Variants in PLPPR5 observed in about 807,000 individuals in gnomAD.
The protein encoded by PLPPR5 is phospholipid phosphatase-related protein type 5.
In PLPPR5, 16 loss-of-function variants were observed where a neutral mutation model predicts 33.9. The ratio of observed to expected loss-of-function variants is 0.47; its 90% CI spans 0.32 to 0.72. The LOEUF is 0.72. Ranked by LOEUF, PLPPR5 falls within the 30% of genes least tolerant of loss-of-function variation. PLPPR5 has a pLI of 0.03. For synonymous variants in PLPPR5, 163 were observed against 150.3 expected (o/e 1.08, Z -0.62); for missense variants, 301 against 406.7 (o/e 0.74, Z 2.23).
chr1:98,964,166 G>C (rs947100374), intron 1 of PLPPR5, among the ~76,000 whole-genome samples: 4 of 152,200 alleles, frequency 2.6e-5, no homozygotes. Flanking sequence ...AGAAGCCAGA[G>C]ATGGAGATGC....
At chr1:98,915,869 T>C (rs1649325458) in intron 4 of PLPPR5, among the ~76,000 whole-genome samples, 2 of 152,192 alleles carry the variant, frequency 1.3e-5, no homozygotes, top group South Asian at 4.1e-4. Flanking sequence ...GAATTAAACA[T>C]ACCAGGAAGA....
intron 1 of PLPPR5, among the ~76,000 whole-genome samples, chr1:98,964,130 T>G (rs1651351019): frequency 6.6e-6 from 1 of 152,156 alleles, no homozygotes; most frequent in East Asian, 1.9e-4. Flanking sequence ...CCGCTGGGAG[T>G]GGAAAATATG....
intron 3 of PLPPR5, among the ~76,000 whole-genome samples, chr1:98,941,988 A>G (rs1570718079): frequency 1.7e-5 from 1 of 58,774 alleles, no homozygotes; most frequent in Non-Finnish European, 4.2e-5. Context: ...ATATATGTAT[A>G]CGTATATATA....
intron 3 of PLPPR5, among the ~76,000 whole-genome samples, chr1:98,948,899 A>C (rs1289764957): frequency 6.6e-6 from 1 of 152,204 alleles, no homozygotes; most frequent in Non-Finnish European, 1.5e-5. Flanking sequence ...TTTATAATGC[A>C]GCAACACGTA....
At chr1:98,976,076 T>C (rs1651839481) in intron 1 of PLPPR5, among the ~76,000 whole-genome samples, 1 of 121,720 alleles carries the variant, frequency 8.2e-6, no homozygotes, top group Admixed American at 1.0e-4. Flanking sequence ...GAAGATGAGA[T>C]CATCCTACTA....
Position 98,953,167 on chromosome 1 carries a change from T to C in PLPPR5, c.524A>G (p.Glu175Gly), listed in dbSNP as rs1285880379. 5.0e-6 allele frequency: 8 copies of C among 1,614,164 alleles called. No individual in the cohort carries two copies. The highest frequency in any genetic ancestry group is 4.4e-5 in the South Asian group (4 of 91,084). ...GAGATCTGGGTTGCCAGTACAGGCC[T>C]CTTCCCCACTGATGAATTGTGTATA... Reference protein sequence around the residue: ...QQYTQFISGEEACTGNPDLIM... With the variant: ...QQYTQFISGEGACTGNPDLIM... Residue 175 changes from glutamate (E) to glycine (G), a missense_variant, in exon 3 of 6, where the codon GAG becomes GGG. Transcript: ENST00000263177.
chr1:98,917,882 G>A (rs1649415534), intron 4 of PLPPR5, among the ~76,000 whole-genome samples: 1 of 152,204 alleles, frequency 6.6e-6, no homozygotes, highest in African/African-American at 2.4e-5. Flanking sequence ...CACTGTCACA[G>A]TGAGGGATCA....
chr1:98,933,351 C>T lies in PLPPR5; in HGVS notation c.622-11293G>A, dbSNP rs534759512. 1.2e-3 allele frequency among the ~76,000 whole-genome samples: 182 copies of T among 151,970 alleles called. 1 individual carries two copies. In the South Asian group the frequency reaches 0.012, roughly 10 times the overall value. On this transcript the variant is annotated intron_variant, in intron 3 of 5. Coordinates refer to ENST00000263177, the MANE Select transcript of PLPPR5 (RefSeq NM_001037317.2). ...ACAAAAAATAAGCCAGGCGTGGTGG[C>T]GCGTGCCTGTAGTCCCAGCTACTCA...
intron 3 of PLPPR5, among the ~76,000 whole-genome samples, chr1:98,951,185 AC>A (rs1185206793): frequency 6.6e-6 from 1 of 152,198 alleles, no homozygotes; most frequent in Non-Finnish European, 1.5e-5. Flanking sequence ...AGTGAAAAGT[AC>A]TTTGTGACTT....
chr1:98,948,687 A>C (rs1650650845), intron 3 of PLPPR5, among the ~76,000 whole-genome samples: 1 of 152,186 alleles, frequency 6.6e-6, no homozygotes, highest in South Asian at 2.1e-4. Context: ...CCATCAGGGA[A>C]GATGACCCTT....
chr1:98,951,859 A>T (rs1262537171), intron 3 of PLPPR5, among the ~76,000 whole-genome samples: 1 of 152,176 alleles, frequency 6.6e-6, no homozygotes. Context: ...GAAATAATCA[A>T]ATTTGGTTTC....
chr1:98,995,939 T>A (rs1652615468), intron 1 of PLPPR5, among the ~76,000 whole-genome samples: 1 of 152,064 alleles, frequency 6.6e-6, no homozygotes. Flanking sequence ...CCAAATTGGC[T>A]TGAATCAGAT....
chr1:98,943,364 C>T (rs138936685), intron 3 of PLPPR5, among the ~76,000 whole-genome samples: 4 of 152,162 alleles, frequency 2.6e-5, no homozygotes, highest in African/African-American at 7.2e-5. Flanking sequence ...CTCAGGTTTC[C>T]ATACACTGGA....
chr1:98,949,199 G>C (rs1650679163), intron 3 of PLPPR5, among the ~76,000 whole-genome samples: 1 of 151,492 alleles, frequency 6.6e-6, no homozygotes, highest in South Asian at 2.1e-4. Flanking sequence ...TGATGACTGA[G>C]AGTTAAATAA....
intron 1 of PLPPR5, among the ~76,000 whole-genome samples, chr1:98,958,795 T>A (rs1651118687): frequency 1.3e-5 from 2 of 152,166 alleles, no homozygotes; most frequent in Non-Finnish European, 2.9e-5. Context: ...TTCTTCTGGG[T>A]CTGTTTTACC....
intron 3 of PLPPR5, among the ~76,000 whole-genome samples, chr1:98,948,710 T>C (rs1650651420): frequency 1.3e-5 from 2 of 152,142 alleles, no homozygotes; most frequent in Admixed American, 1.3e-4. Context: ...GAGAAAGACC[T>C]GTTGAGAAGG....
At chr1:98,946,831 CT>C (rs1364560431) in intron 3 of PLPPR5, among the ~76,000 whole-genome samples, 1 of 151,972 alleles carries the variant, frequency 6.6e-6, no homozygotes, top group Non-Finnish European at 1.5e-5. Context: ...AATATCATAA[CT>C]TTTTTTTAGA....
intron 5 of PLPPR5, among the ~76,000 whole-genome samples, chr1:98,907,510 T>C (rs913740016): frequency 6.6e-6 from 1 of 152,152 alleles, no homozygotes; most frequent in African/African-American, 2.4e-5. Flanking sequence ...CTTGTAATCT[T>C]TTTCTTTTTC....
At chr1:98,961,854 C>A (rs1651261036) in intron 1 of PLPPR5, among the ~76,000 whole-genome samples, 1 of 152,146 alleles carries the variant, frequency 6.6e-6, no homozygotes, top group African/African-American at 2.4e-5. Flanking sequence ...GACAGAAGCT[C>A]TCCCTGGTGG....
Sources: gnomAD v4.1 joint callset for allele counts (sites outside exome capture counted in the v4.1 genomes callset) on GRCh38, gnomAD v4.1.1 for gene constraint, MANE v1.5 for transcripts, NCBI Gene and HGNC (gene_info 2026-07-23, HGNC 2026-07-21) for gene names.